The following PTPRN2 variants were observed in gnomAD, a reference collection of about 807,000 sequenced individuals.
PTPRN2 encodes the protein receptor-type tyrosine-protein phosphatase N2.
Under a neutral mutation model 118.8 loss-of-function variants are expected in PTPRN2, and 74 were observed. That is an observed-to-expected ratio of 0.62 (90% CI 0.52 to 0.76). The LOEUF is 0.76. Ranked by LOEUF, PTPRN2 falls within the 30% of genes least tolerant of loss-of-function variation. The probability of loss-of-function intolerance (pLI) is 0.00; values close to 1 mark genes in which losing one functional copy is unlikely to be tolerated. For missense variants in PTPRN2, 1,481 were observed against 1,394.4 expected (o/e 1.06, Z -0.99); for synonymous variants, 641 against 608.0 (o/e 1.05, Z -0.80).
At chr7:158,384,293 C>T (rs1277658274) in intron 2 of PTPRN2, among the ~76,000 whole-genome samples, 1 of 152,164 alleles carries the variant, frequency 6.6e-6, no homozygotes, top group African/African-American at 2.4e-5. Flanking sequence ...CCAAAAGGAC[C>T]TTTCGGCCAG....
intron 10 of PTPRN2, among the ~76,000 whole-genome samples, chr7:158,087,937 A>G (rs1298451761): frequency 2.6e-4 from 24 of 91,336 alleles, no homozygotes; most frequent in African/African-American, 6.4e-4. Context: ...CCCTGATGAA[A>G]GAGGGAGTCT....
At chr7:157,554,049 G>A (rs4716485) in intron 21 of PTPRN2, among the ~76,000 whole-genome samples, 3 of 88,850 alleles carry the variant, frequency 3.4e-5, no homozygotes, top group African/African-American at 1.3e-4. Context: ...CTGCCCGCTC[G>A]CGTGCCCTCC....
intron 1 of PTPRN2, among the ~76,000 whole-genome samples, chr7:158,557,362 G>A (rs1827109542): frequency 6.6e-6 from 1 of 151,302 alleles, no homozygotes; most frequent in African/African-American, 2.4e-5. Flanking sequence ...CTCCCACGCA[G>A]GTCAGGCGGC....
intron 8 of PTPRN2, among the ~76,000 whole-genome samples, chr7:158,135,977 C>A (rs1007414436): frequency 6.6e-6 from 1 of 152,224 alleles, no homozygotes; most frequent in Non-Finnish European, 1.5e-5. Context: ...GGGAGAGAAA[C>A]TAAGAGGCTA....
At chr7:158,421,971 T>C (rs1181831818) in intron 2 of PTPRN2, among the ~76,000 whole-genome samples, 1 of 152,248 alleles carries the variant, frequency 6.6e-6, no homozygotes, top group African/African-American at 2.4e-5. Flanking sequence ...AAGCAACAGA[T>C]GCTGAAGCTA....
chr7:157,967,503 C>T (rs960182126), intron 11 of PTPRN2, among the ~76,000 whole-genome samples: 1 of 152,116 alleles, frequency 6.6e-6, no homozygotes, highest in Non-Finnish European at 1.5e-5. Flanking sequence ...TTGTAAATGC[C>T]ATGAGTTTCT....
intron 1 of PTPRN2, among the ~76,000 whole-genome samples, chr7:158,511,286 T>C (rs1823164240): frequency 6.6e-6 from 1 of 152,208 alleles, no homozygotes; most frequent in Non-Finnish European, 1.5e-5. Flanking sequence ...CTTCAAGTTT[T>C]ACCCCCTATC....
chr7:157,742,499 T>C lies in PTPRN2; in HGVS notation c.1789-59562A>G, dbSNP rs1206032835. Among the ~76,000 whole-genome samples the C allele has an allele frequency of 5.3e-5, 8 of 151,920 alleles. No homozygotes were observed. In the East Asian group the frequency reaches 9.7e-4, roughly 18 times the overall value. Reference sequence around the variant, plus strand: ...GCTGACTTCTGTTTTTTTTTTTTTTTCCAGAAGTGGGTATCTAGGTTTGCT... The same window carrying C: ...GCTGACTTCTGTTTTTTTTTTTTTTCCCAGAAGTGGGTATCTAGGTTTGCT... On this transcript the variant is annotated intron_variant, in intron 12 of 22. Coordinates refer to ENST00000389418, the MANE Select transcript of PTPRN2 (RefSeq NM_002847.5).
At chr7:158,341,801 C>T (rs1276261486) in intron 2 of PTPRN2, among the ~76,000 whole-genome samples, 1 of 139,520 alleles carries the variant, frequency 7.2e-6, no homozygotes. Flanking sequence ...CACCCACACT[C>T]TCACCGTAAG....
In PTPRN2 at chr7:158,257,598, G is replaced by A. The variant is rs562237768; in HGVS notation, c.278-52325C>T. 2.1e-3 allele frequency among the ~76,000 whole-genome samples: 320 copies of A among 152,282 alleles called. 2 individuals carry two copies. The highest frequency in any genetic ancestry group is 1.8e-3 in the Non-Finnish European group (123 of 68,018). The stretch of plus-strand genomic sequence containing the variant: ...CGAGCCCCCAGTTGGGTGAGCAAGC[G>A]TGCAGCAGCGAGAAATGTCTGAGCC... On this transcript the variant is annotated intron_variant, in intron 3 of 22. Coordinates refer to ENST00000389418, the MANE Select transcript of PTPRN2 (RefSeq NM_002847.5).
intron 1 of PTPRN2, among the ~76,000 whole-genome samples, chr7:158,527,813 C>T: frequency 6.6e-6 from 1 of 152,188 alleles, no homozygotes; most frequent in East Asian, 1.9e-4. Context: ...CCCCAGGCTC[C>T]CCTGGTCTTC....
chr7:158,569,804 GCGGGGCGCGAGGCCGCC>G, intron 1 of PTPRN2, among the ~76,000 whole-genome samples: 4 of 132,280 alleles, frequency 3.0e-5, no homozygotes, highest in African/African-American at 8.5e-5. Context: ...TGACAGGAAC[GCGGGGCGCGAGGCCGCC>G]TGACTGACAG....
chr7:158,263,625 C>T (rs1797683234), intron 3 of PTPRN2, among the ~76,000 whole-genome samples: 1 of 152,220 alleles, frequency 6.6e-6, no homozygotes, highest in South Asian at 2.1e-4. Flanking sequence ...TGAGGGTCTA[C>T]TTCCAAATTC....
At chr7:157,588,934 G>C (rs527804488) in intron 17 of PTPRN2, among the ~76,000 whole-genome samples, 1 of 152,058 alleles carries the variant, frequency 6.6e-6, no homozygotes, top group Non-Finnish European at 1.5e-5. Context: ...GGCTCACTCT[G>C]TATATCTCTA....
At chr7:157,581,026 A>C (rs1459224801) in intron 17 of PTPRN2, among the ~76,000 whole-genome samples, 74 of 68,218 alleles carry the variant, frequency 1.1e-3, no homozygotes, top group African/African-American at 4.1e-3. Context: ...ACACCCCAGC[A>C]CCTGCACACC....
intron 1 of PTPRN2, among the ~76,000 whole-genome samples, chr7:158,516,801 C>T (rs1487632889): frequency 3.3e-5 from 5 of 151,792 alleles, no homozygotes; most frequent in Admixed American, 2.0e-4. Context: ...GCTCTTGGTG[C>T]TTTTCTTGGT....
At chr7:158,258,650 C>A (rs1014391977) in intron 3 of PTPRN2, among the ~76,000 whole-genome samples, 2 of 152,190 alleles carry the variant, frequency 1.3e-5, no homozygotes, top group African/African-American at 4.8e-5. Flanking sequence ...GGTTTCAGGG[C>A]CTTCCCTGAA....
At chr7:157,661,172 C>T (rs1022913291) in intron 13 of PTPRN2, among the ~76,000 whole-genome samples, 4 of 152,266 alleles carry the variant, frequency 2.6e-5, no homozygotes, top group Non-Finnish European at 5.9e-5. Flanking sequence ...TGCCTCTCAG[C>T]GGGGACCCGC....
intron 17 of PTPRN2, among the ~76,000 whole-genome samples, chr7:157,594,029 T>A (rs1801145822): frequency 6.6e-6 from 1 of 152,224 alleles, no homozygotes; most frequent in African/African-American, 2.4e-5. Flanking sequence ...ATCCGAGCTG[T>A]CCTGGGTAAG....
Sources: allele counts gnomAD v4.1 joint callset (sites outside exome capture counted in the v4.1 genomes callset), GRCh38; gene constraint gnomAD v4.1.1; transcripts MANE v1.5; gene names NCBI Gene and HGNC (gene_info 2026-07-23, HGNC 2026-07-21).